Variants in SHISA9 observed in about 807,000 individuals in gnomAD.
The protein encoded by SHISA9 is shisa family member 9.
In SHISA9, 13 loss-of-function variants were observed where a neutral mutation model predicts 38.0. The ratio of observed to expected loss-of-function variants is 0.34; its 90% CI spans 0.22 to 0.54. SHISA9 has a LOEUF of 0.54. Ranked by LOEUF, SHISA9 falls within the 20% of genes least tolerant of loss-of-function variation. The probability of loss-of-function intolerance (pLI) is 0.91; values close to 1 mark genes in which losing one functional copy is unlikely to be tolerated. For synonymous variants in SHISA9, 275 were observed against 242.0 expected, an observed-to-expected ratio of 1.14 and a Z score of -1.27; for missense variants, 538 against 575.8, an observed-to-expected ratio of 0.93 and a Z score of 0.67.
intron 2 of SHISA9, among the ~76,000 whole-genome samples, chr16:13,184,291 G>A (rs765488378): frequency 6.6e-6 from 1 of 152,066 alleles, no homozygotes; most frequent in Non-Finnish European, 1.5e-5. Context: ...TGGGATGTTT[G>A]AGCCTATCTT....
chr16:13,459,224 T>C, the SHISA9 span, among the ~76,000 whole-genome samples: 1 of 152,202 alleles, frequency 6.6e-6, no homozygotes, highest in African/African-American at 2.4e-5. Context: ...TTGTAGGATG[T>C]GCCCGTACCT....
chr16:13,092,641 G>T (rs1461192032), intron 2 of SHISA9, among the ~76,000 whole-genome samples: 1 of 152,260 alleles, frequency 6.6e-6, no homozygotes, highest in Admixed American at 6.5e-5. Context: ...GCACAGGAGA[G>T]AATCACCTTG....
At chr16:13,073,973 T>G (rs557905756) in intron 2 of SHISA9, among the ~76,000 whole-genome samples, 2 of 148,626 alleles carry the variant, frequency 1.3e-5, no homozygotes, top group South Asian at 2.1e-4. Context: ...TTTTTTGTTT[T>G]TTTTTTTTGT....
At chr16:12,947,872 T>C (rs2071707546) in intron 2 of SHISA9, among the ~76,000 whole-genome samples, 1 of 152,192 alleles carries the variant, frequency 6.6e-6, no homozygotes, top group Non-Finnish European at 1.5e-5. Flanking sequence ...TAGTGACCGT[T>C]CCTTGACTCA....
At chr16:13,174,080 A>G (rs1253226592) in intron 2 of SHISA9, among the ~76,000 whole-genome samples, 1 of 152,124 alleles carries the variant, frequency 6.6e-6, no homozygotes, top group Admixed American at 6.6e-5. Flanking sequence ...TCTCAATAAA[A>G]TGAGCGGCTG....
the SHISA9 span, among the ~76,000 whole-genome samples, chr16:13,491,236 A>G: frequency 1.3e-5 from 2 of 152,168 alleles, no homozygotes; most frequent in African/African-American, 4.8e-5. Context: ...CTGGGAATCC[A>G]TTGGTGATAA....
chr16:13,465,058 G>A, the SHISA9 span, among the ~76,000 whole-genome samples: 1 of 152,150 alleles, frequency 6.6e-6, no homozygotes, highest in East Asian at 1.9e-4. Flanking sequence ...TTGTAGCAGG[G>A]CTTCTATACC....
intron 1 of SHISA9, chr16:12,902,884 C>T (rs2071039628): frequency 7.3e-6 from 3 of 411,184 alleles, no homozygotes; most frequent in Non-Finnish European, 1.3e-5. Context: ...GCTCCCTCAC[C>T]CTCTGGCCGC....
the SHISA9 span, among the ~76,000 whole-genome samples, chr16:13,467,624 C>A: frequency 6.6e-6 from 1 of 152,214 alleles, no homozygotes; most frequent in African/African-American, 2.4e-5. Context: ...TTGTTTCCAT[C>A]TCTCGGAAGA....
intron 2 of SHISA9, among the ~76,000 whole-genome samples, chr16:13,175,539 A>T (rs1257632524): frequency 6.6e-6 from 1 of 152,184 alleles, no homozygotes; most frequent in Non-Finnish European, 1.5e-5. Flanking sequence ...TGAGATGGGT[A>T]CAGATTCAGT....
At chr16:13,130,162 GGTCCT>G (rs1330766738) in intron 2 of SHISA9, among the ~76,000 whole-genome samples, 1 of 152,188 alleles carries the variant, frequency 6.6e-6, no homozygotes, top group East Asian at 1.9e-4. Context: ...GACTATCATG[GGTCCT>G]GGCACACAAT....
At chr16:12,989,860 G>A (rs1026004638) in intron 2 of SHISA9, among the ~76,000 whole-genome samples, 1 of 152,124 alleles carries the variant, frequency 6.6e-6, no homozygotes, top group African/African-American at 2.4e-5. Flanking sequence ...ATGGTGATTT[G>A]CTGCACAGAT....
At chr16:13,512,664 T>C in the SHISA9 span, among the ~76,000 whole-genome samples, 25 of 152,246 alleles carry the variant, frequency 1.6e-4, no homozygotes, top group African/African-American at 6.0e-4. Flanking sequence ...AACAGACATA[T>C]AGACCAGTGG....
intron 2 of SHISA9, among the ~76,000 whole-genome samples, chr16:13,116,243 A>G (rs1017859435): frequency 2.6e-4 from 40 of 152,162 alleles, no homozygotes; most frequent in African/African-American, 8.9e-4. Context: ...GGTGGATTCT[A>G]CCTGGCATGG....
intron 2 of SHISA9, among the ~76,000 whole-genome samples, chr16:13,177,581 C>T (rs995811376): frequency 2.6e-5 from 4 of 152,034 alleles, no homozygotes; most frequent in African/African-American, 4.8e-5. Context: ...TCTACTCATA[C>T]GATTTTCCCT....
chr16:13,319,499 C>G, the SHISA9 span, among the ~76,000 whole-genome samples: 3 of 152,192 alleles, frequency 2.0e-5, no homozygotes, highest in Admixed American at 6.5e-5. Context: ...AAGAATAAAG[C>G]TGGCTCTTTC....
At chr16:13,019,825 T>C (rs1596589227) in intron 2 of SHISA9, among the ~76,000 whole-genome samples, 8 of 133,594 alleles carry the variant, frequency 6.0e-5, no homozygotes, top group East Asian at 4.5e-4. Flanking sequence ...TCTTTCTTTC[T>C]TTCTTTCTTT....
intron 2 of SHISA9, among the ~76,000 whole-genome samples, chr16:13,137,787 C>T (rs1054478905): frequency 9.9e-5 from 15 of 152,156 alleles, no homozygotes; most frequent in African/African-American, 3.4e-4. Context: ...TTCCCTGCCT[C>T]ATTTCTTTGA....
the SHISA9 span, among the ~76,000 whole-genome samples, chr16:13,520,494 T>C: frequency 6.7e-6 from 1 of 149,618 alleles, no homozygotes; most frequent in African/African-American, 2.5e-5. Context: ...TCCCAGCTAC[T>C]TGGGAGGCTG....
Sources: gnomAD v4.1 joint callset for allele counts (sites outside exome capture counted in the v4.1 genomes callset) on GRCh38, gnomAD v4.1.1 for gene constraint, MANE v1.5 for transcripts, NCBI Gene and HGNC (gene_info 2026-07-23, HGNC 2026-07-21) for gene names.